Variants in RPS6KA2 observed in about 807,000 individuals in gnomAD.
RPS6KA2 encodes ribosomal protein S6 kinase alpha-2.
In RPS6KA2, 42 loss-of-function variants were observed where a neutral mutation model predicts 91.8. The ratio of observed to expected loss-of-function variants is 0.46; its 90% CI spans 0.36 to 0.59. The LOEUF is 0.59. RPS6KA2 is among the 20% of genes least tolerant of loss of function. RPS6KA2 has a pLI of 0.00. For missense variants in RPS6KA2, 798 were observed against 978.5 expected, an observed-to-expected ratio of 0.82 and a Z score of 2.46; for synonymous variants, 414 against 393.6, an observed-to-expected ratio of 1.05 and a Z score of -0.61.
At chr6:166,667,496 A>AT (rs1257424928) in intron 2 of RPS6KA2, among the ~76,000 whole-genome samples, 2 of 152,238 alleles carry the variant, frequency 1.3e-5, no homozygotes, top group African/African-American at 4.8e-5. Flanking sequence ...GCCTTTGAAT[A>AT]AAACCTAAAT....
Position 166,432,468 on chromosome 6 carries a change from T to A in RPS6KA2, c.1355A>T (p.Asp452Val). Residue 452 changes from aspartate to valine, a missense_variant, in exon 15 of 21, where the codon GAC becomes GTC. Physicochemically the swap from Asp to Val is radical, Grantham distance 152 (BLOSUM62 -3). Transcript: ENST00000265678. Reference protein sequence around the residue: ...AVKIIDKSKRDPSEEIEILLR... With the variant: ...AVKIIDKSKRVPSEEIEILLR... ...GAGGATCTCAATCTCTTCCGAGGGGTCTCTCTTGCTCTTATCAATGATCTG... is the reference window on the plus strand; with the variant it reads ...GAGGATCTCAATCTCTTCCGAGGGGACTCTCTTGCTCTTATCAATGATCTG... 1 of 1,612,562 alleles carries A rather than the reference T, an allele frequency of 6.2e-7. No individual in the cohort carries two copies. Among genetic ancestry groups the A allele is most frequent in the East Asian group, 2.2e-5 (1 of 44,846 alleles).
In RPS6KA2 at chr6:166,490,257, T is replaced by C. The variant is rs1781541925; in HGVS notation, c.818+414A>G. 6.6e-6 allele frequency among the ~76,000 whole-genome samples: 1 copy of C among 152,166 alleles called. No individual in the cohort carries two copies. Among genetic ancestry groups the C allele is most frequent in the South Asian group, 2.1e-4 (1 of 4,824 alleles). On this transcript the variant is annotated intron_variant, in intron 9 of 20. Coordinates refer to ENST00000265678, the MANE Select transcript of RPS6KA2 (RefSeq NM_021135.6). This position sits in a 1 kb window ranked among gnomAD's most constrained non-coding sequence, Gnocchi z 4.2. ...AAAGGAGACCCCTGCTCCTGTGATC[T>C]CTCCGGACAAGGCCCTGGAGGCCTT...
intron 2 of RPS6KA2, among the ~76,000 whole-genome samples, chr6:166,798,362 G>C (rs1359365637): frequency 6.6e-5 from 10 of 152,240 alleles, no homozygotes; most frequent in Non-Finnish European, 1.0e-4. Flanking sequence ...GACAGACACT[G>C]AGGAATGTTT....
intron 1 of RPS6KA2, among the ~76,000 whole-genome samples, chr6:166,607,293 A>C (rs1785988890): frequency 6.6e-6 from 1 of 152,240 alleles, no homozygotes; most frequent in Non-Finnish European, 1.5e-5. Context: ...GTATAAACCC[A>C]GGAGAAATAA....
intron 2 of RPS6KA2, among the ~76,000 whole-genome samples, chr6:166,838,405 C>A (rs540180507): frequency 3.3e-4 from 50 of 151,994 alleles, no homozygotes; most frequent in African/African-American, 1.1e-3. Flanking sequence ...TTTCAGAGAG[C>A]CATACTGAAA....
At chr6:166,565,746 G>A (rs1264409129) in intron 1 of RPS6KA2, among the ~76,000 whole-genome samples, 1 of 152,212 alleles carries the variant, frequency 6.6e-6, no homozygotes, top group Admixed American at 6.5e-5. Flanking sequence ...CCTGTGGCTG[G>A]GGAGGGGTGC....
chr6:166,480,238 CTA>C (rs1781141105), intron 10 of RPS6KA2, among the ~76,000 whole-genome samples: 1 of 151,890 alleles, frequency 6.6e-6, no homozygotes, highest in African/African-American at 2.4e-5. Context: ...TGCCTCTGTG[CTA>C]ACTTGAGAGG....
intron 2 of RPS6KA2, among the ~76,000 whole-genome samples, chr6:166,668,014 T>C (rs1272039578): frequency 1.3e-5 from 2 of 152,088 alleles, no homozygotes; most frequent in African/African-American, 2.4e-5. Flanking sequence ...TGTTTGGAGA[T>C]TGATGGGCAC....
At chr6:166,629,677 ATAAAGGC>A (rs373394927), upstream of RPS6KA2, among the ~76,000 whole-genome samples, 129 of 152,320 alleles carry the variant, frequency 8.5e-4, no homozygotes, top group African/African-American at 3.1e-3. Context: ...AGTGAACTTG[ATAAAGGC>A]TCTTGCCCAG....
intron 2 of RPS6KA2, among the ~76,000 whole-genome samples, chr6:166,706,695 C>T (rs746652815): frequency 1.3e-5 from 2 of 152,162 alleles, no homozygotes; most frequent in East Asian, 1.9e-4. Flanking sequence ...GCAGGCTTTA[C>T]GCACAGTACC....
chr6:166,477,322 G>A (rs1781015257), intron 10 of RPS6KA2, among the ~76,000 whole-genome samples: 1 of 152,150 alleles, frequency 6.6e-6, no homozygotes, highest in African/African-American at 2.4e-5. Flanking sequence ...ATGCTTGTGT[G>A]AGCTTCCAGG....
intron 1 of RPS6KA2, among the ~76,000 whole-genome samples, chr6:166,618,322 C>A (rs1041890000): frequency 6.6e-6 from 1 of 152,218 alleles, no homozygotes; most frequent in Non-Finnish European, 1.5e-5. Flanking sequence ...CTTCCCGAAT[C>A]CTGTCTGGAT....
rs115326324 is a variant in RPS6KA2, at chr6:166,461,751, T to C, written c.973-2200A>G. On this transcript the variant is annotated intron_variant, in intron 11 of 20. Coordinates refer to ENST00000265678, the MANE Select transcript of RPS6KA2 (RefSeq NM_021135.6). ...ACTGGTTGTCACGTATTCATTCCAG[T>C]GTGAAGTGTTTACCTCCGGAAAGCA... Among the ~76,000 whole-genome samples, 1,047 of 152,312 alleles carry C rather than the reference T, an allele frequency of 6.9e-3. 11 individuals carry two copies. The highest frequency in any genetic ancestry group is 0.024 in the African/African-American group (985 of 41,568).
chr6:166,833,765 A>G (rs947893028), intron 2 of RPS6KA2, among the ~76,000 whole-genome samples: 1 of 152,208 alleles, frequency 6.6e-6, no homozygotes, highest in Non-Finnish European at 1.5e-5. Context: ...TCTATTCACG[A>G]GTTTATCATT....
chr6:166,419,488 G>A lies in RPS6KA2; in HGVS notation c.1820+394C>T, dbSNP rs919005522. ...CGGCCCGTGCATGACTCATGACCAC[G>A]AAACCCAGGTACAGATGCTGTTTGA... On this transcript the variant is annotated intron_variant, in intron 18 of 20. Transcript: ENST00000265678. This position sits in a 1 kb window ranked among gnomAD's most constrained non-coding sequence, Gnocchi z 5.6. 3.3e-5 allele frequency among the ~76,000 whole-genome samples: 5 copies of A among 152,224 alleles called. No individual in the cohort carries two copies. The highest frequency in any genetic ancestry group is 7.3e-5 in the Non-Finnish European group (5 of 68,042).
At chr6:166,466,024 T>G (rs1193348453) in intron 11 of RPS6KA2, among the ~76,000 whole-genome samples, 2 of 152,158 alleles carry the variant, frequency 1.3e-5, no homozygotes, top group Non-Finnish European at 2.9e-5. Context: ...AGTACAGACA[T>G]GAAGGAAACA....
intron 2 of RPS6KA2, among the ~76,000 whole-genome samples, chr6:166,633,130 C>A (rs12664885): frequency 4.6e-5 from 7 of 152,116 alleles, no homozygotes; most frequent in Admixed American, 1.3e-4. Flanking sequence ...TGAAGTGGGA[C>A]GATCACTTGA....
chr6:166,582,334 A>C (rs1346634558), intron 1 of RPS6KA2, among the ~76,000 whole-genome samples: 1 of 152,216 alleles, frequency 6.6e-6, no homozygotes, highest in Non-Finnish European at 1.5e-5. Flanking sequence ...TTTGAAATAA[A>C]GCCTTTTCAT....
chr6:166,809,207 G>A (rs1779570619), intron 2 of RPS6KA2, among the ~76,000 whole-genome samples: 1 of 152,180 alleles, frequency 6.6e-6, no homozygotes, highest in African/African-American at 2.4e-5. Flanking sequence ...TAGCAGGGGA[G>A]TCCTGGAAGG....
Sources: gnomAD v4.1 joint callset for allele counts (sites outside exome capture counted in the v4.1 genomes callset) on GRCh38, gnomAD v4.1.1 for gene constraint, Gnocchi (gnomAD v3.1) non-coding constraint, MANE v1.5 for transcripts, NCBI Gene and HGNC (gene_info 2026-07-23, HGNC 2026-07-21) for gene names.